Variants in PLCB4 observed in about 807,000 individuals in gnomAD.
PLCB4 encodes 1-phosphatidylinositol 4,5-bisphosphate phosphodiesterase beta-4.
Under a neutral mutation model 178.8 loss-of-function variants are expected in PLCB4, and 77 were observed. That is an observed-to-expected ratio of 0.43 (90% CI 0.36 to 0.52). The LOEUF (loss-of-function observed/expected upper bound fraction) is 0.52, where lower values mean the gene tolerates loss of function less well. Ranked by LOEUF, PLCB4 falls within the 20% of genes least tolerant of loss-of-function variation. The pLI, the probability that PLCB4 is intolerant of heterozygous loss-of-function variation, is 0.00. For missense variants in PLCB4, 1,024 were observed against 1,453.4 expected (o/e 0.70, Z 4.80); for synonymous variants, 496 against 490.8 (o/e 1.01, Z -0.14).
intron 28 of PLCB4, among the ~76,000 whole-genome samples, chr20:9,427,459 C>T (rs1417928393): frequency 2.0e-5 from 3 of 151,826 alleles, no homozygotes; most frequent in South Asian, 2.1e-4. Context: ...TGCTACAAAA[C>T]GTAAAGAAAA....
chr20:9,376,043 AT>A (rs768411071), intron 12 of PLCB4, among the ~76,000 whole-genome samples: 19 of 152,050 alleles, frequency 1.2e-4, no homozygotes, highest in East Asian at 1.2e-3. Flanking sequence ...TATATAGTCC[AT>A]TTACTGCTTT....
At chr20:9,168,743 A>T (rs1308794712) in intron 2 of PLCB4, among the ~76,000 whole-genome samples, 1 of 152,192 alleles carries the variant, frequency 6.6e-6, no homozygotes, top group Non-Finnish European at 1.5e-5. Flanking sequence ...CATGACTGAG[A>T]TGTGATTGAG....
At chr20:9,125,995 G>T (rs1475303384) in intron 2 of PLCB4, among the ~76,000 whole-genome samples, 1 of 152,004 alleles carries the variant, frequency 6.6e-6, no homozygotes, top group Non-Finnish European at 1.5e-5. Context: ...ACCAGAAAAG[G>T]GGACAAATTT....
chr20:9,298,978 A>G (rs1468294613), intron 3 of PLCB4, among the ~76,000 whole-genome samples: 1 of 152,090 alleles, frequency 6.6e-6, no homozygotes, highest in South Asian at 2.1e-4. Context: ...GTCTAATTCC[A>G]GTACCATCAC....
intron 7 of PLCB4, among the ~76,000 whole-genome samples, chr20:9,343,267 A>C (rs1392571529): frequency 6.6e-6 from 1 of 152,118 alleles, no homozygotes; most frequent in East Asian, 1.9e-4. Context: ...CACTTAACCC[A>C]ACATTTAATC....
chr20:9,383,373 G>A (rs1005864106), intron 13 of PLCB4, among the ~76,000 whole-genome samples: 8 of 152,132 alleles, frequency 5.3e-5, no homozygotes, highest in Admixed American at 2.0e-4. Flanking sequence ...GTGTAGGCCC[G>A]TGGCTATTCA....
intron 2 of PLCB4, among the ~76,000 whole-genome samples, chr20:9,194,549 G>A (rs1270040188): frequency 6.6e-6 from 1 of 151,674 alleles, no homozygotes; most frequent in Non-Finnish European, 1.5e-5. Context: ...TTAGCCGGGC[G>A]TGGTGGCAGG....
intron 6 of PLCB4, 115 bp downstream of exon 6, chr20:9,338,182 A>G (rs1054003491): frequency 1.4e-6 from 1 of 707,238 alleles, no homozygotes; most frequent in Non-Finnish European, 2.5e-6. Context: ...AAAACATTTG[A>G]TCTCAGTTTT....
At chr20:9,444,348 C>A in intron 32 of PLCB4, 105 bp downstream of exon 32, 1 of 675,996 alleles carries the variant, frequency 1.5e-6, no homozygotes, top group East Asian at 2.6e-5. Context: ...AGTAATAACT[C>A]ATTCTAACTG....
chr20:9,302,378 A>G (rs1453821349), intron 3 of PLCB4, among the ~76,000 whole-genome samples: 1 of 152,156 alleles, frequency 6.6e-6, no homozygotes, highest in Non-Finnish European at 1.5e-5. Flanking sequence ...GTAGTGAAAC[A>G]GGATTGGCTG....
At chr20:9,199,246 A>G (rs1601088447) in intron 2 of PLCB4, among the ~76,000 whole-genome samples, 1 of 152,332 alleles carries the variant, frequency 6.6e-6, no homozygotes, top group East Asian at 1.9e-4. Context: ...CCCTAGAATC[A>G]TAACTAGGGA....
intron 28 of PLCB4, among the ~76,000 whole-genome samples, chr20:9,431,380 A>G (rs2041384289): frequency 6.6e-6 from 1 of 152,030 alleles, no homozygotes; most frequent in African/African-American, 2.4e-5. Context: ...TTTATAAATA[A>G]CATCACGTTC....
At chr20:9,208,129 T>C (rs1426879299) in intron 2 of PLCB4, among the ~76,000 whole-genome samples, 1 of 152,200 alleles carries the variant, frequency 6.6e-6, no homozygotes, top group Non-Finnish European at 1.5e-5. Flanking sequence ...TATTTTATAC[T>C]GTGGAAGCAC....
chr20:9,407,795 G>GA, intron 21 of PLCB4, 122 bp from the exon 22 acceptor site: 1 of 762,602 alleles, frequency 1.3e-6, no homozygotes, highest in South Asian at 2.4e-5. Context: ...AATTGAGGAA[G>GA]AAAAAGCCTT....
At chr20:9,287,374 C>T (rs920689721) in intron 3 of PLCB4, among the ~76,000 whole-genome samples, 2 of 151,960 alleles carry the variant, frequency 1.3e-5, no homozygotes, top group African/African-American at 2.4e-5. Flanking sequence ...TATCAGTTTA[C>T]TTTGATATGT....
chr20:9,361,709 A>G (rs772764637), intron 7 of PLCB4, among the ~76,000 whole-genome samples: 2 of 152,244 alleles, frequency 1.3e-5, no homozygotes, highest in African/African-American at 2.4e-5. Flanking sequence ...AAACAAAACC[A>G]TACTCTGTTA....
chr20:9,457,403 T>C lies in PLCB4; in HGVS notation c.2997-11T>C, dbSNP rs762994623. 3 of 1,397,904 alleles carry C rather than the reference T, an allele frequency of 2.1e-6. No individual in the cohort carries two copies. Among genetic ancestry groups the C allele is most frequent in the South Asian group, 2.3e-5 (2 of 86,588 alleles). The allele number at this position is 1,397,904 out of a possible 1,614,324, so 86.6% of individuals were successfully genotyped here. A position where few individuals can be genotyped will look rare whatever the true frequency, so the allele number is the denominator to read the frequency against. ...AATTTCTGGCATGCATTTGCAACTTTCCATTTTCAGGGGAAGTAATTGTCT... is the reference window on the plus strand; with the variant it reads ...AATTTCTGGCATGCATTTGCAACTTCCCATTTTCAGGGGAAGTAATTGTCT... On this transcript the variant is annotated splice_polypyrimidine_tract_variant and intron_variant, in intron 33 of 39. Coordinates refer to ENST00000378473, the MANE Select transcript of PLCB4 (RefSeq NM_001377142.1).
At chr20:9,346,416 G>A (rs1365366361) in intron 7 of PLCB4, among the ~76,000 whole-genome samples, 2 of 152,190 alleles carry the variant, frequency 1.3e-5, no homozygotes, top group African/African-American at 4.8e-5. Flanking sequence ...GCTGATGCCT[G>A]CTGAATACTA....
chr20:9,127,792 C>G (rs912716636), intron 2 of PLCB4, among the ~76,000 whole-genome samples: 1 of 152,072 alleles, frequency 6.6e-6, no homozygotes, highest in Admixed American at 6.6e-5. Flanking sequence ...TCAAGTGATT[C>G]TCCTGCCTCT....
Sources: allele counts gnomAD v4.1 joint callset (sites outside exome capture counted in the v4.1 genomes callset), GRCh38; gene constraint gnomAD v4.1.1; transcripts MANE v1.5; gene names NCBI Gene and HGNC (gene_info 2026-07-23, HGNC 2026-07-21).